Variants in RBFOX1 observed in about 807,000 individuals in gnomAD.
RBFOX1 encodes RNA binding protein fox-1 homolog 1.
In RBFOX1, 8 loss-of-function variants were observed where a neutral mutation model predicts 57.7. The observed-to-expected ratio is 0.14, with a 90% CI of 0.08 to 0.25. RBFOX1 has a LOEUF of 0.25. Ranked by LOEUF, RBFOX1 falls within the 10% of genes least tolerant of loss-of-function variation. The pLI, the probability that RBFOX1 is intolerant of heterozygous loss-of-function variation, is 1.00. For synonymous variants in RBFOX1, 326 were observed against 222.4 expected (o/e 1.47, Z -4.15); for missense variants, 611 against 548.5 (o/e 1.11, Z -1.14).
At chr16:5,762,785 C>G (rs2151649324) in intron 3 of RBFOX1, among the ~76,000 whole-genome samples, 1 of 152,236 alleles carries the variant, frequency 6.6e-6, no homozygotes, top group Admixed American at 6.5e-5. Context: ...ATAATTCTGT[C>G]ATTTACATAG....
At position 7,089,031 on chromosome 16, in the gene RBFOX1, C is replaced by T. The variant is rs1326451884; in HGVS notation, c.27+36933C>T. On this transcript the variant is annotated intron_variant, in intron 4 of 15. Coordinates refer to ENST00000550418, the MANE Select transcript of RBFOX1 (RefSeq NM_018723.4). The stretch of plus-strand genomic sequence containing the variant: ...AATCACATTGGTTCTTTGACCTCTG[C>T]TGGTCTCTAGGTCTGCCTTGCCCCT... 9.9e-5 allele frequency among the ~76,000 whole-genome samples: 15 copies of T among 152,144 alleles called. No homozygotes were observed. The East Asian group carries it at 2.7e-3, about 27-fold the overall frequency.
At chr16:6,089,027 C>T (rs1173887643) in intron 1 of RBFOX1, among the ~76,000 whole-genome samples, 6 of 147,722 alleles carry the variant, frequency 4.1e-5, no homozygotes, top group Admixed American at 2.0e-4. Context: ...ACCCAGGAGG[C>T]GGAGGTTGCA....
chr16:7,099,075 C>T (rs923236665), intron 4 of RBFOX1, among the ~76,000 whole-genome samples: 1 of 152,122 alleles, frequency 6.6e-6, no homozygotes, highest in Non-Finnish European at 1.5e-5. Context: ...CTTTCTCAAA[C>T]AGTTATGGTG....
At chr16:5,609,866 A>G (rs1223111004) in intron 3 of RBFOX1, among the ~76,000 whole-genome samples, 2 of 146,828 alleles carry the variant, frequency 1.4e-5, no homozygotes, top group African/African-American at 5.0e-5. Flanking sequence ...AGGACTGTGC[A>G]GAGACGGTGG....
At chr16:6,209,208 A>G (rs1165580755) in intron 1 of RBFOX1, among the ~76,000 whole-genome samples, 1 of 152,198 alleles carries the variant, frequency 6.6e-6, no homozygotes, top group East Asian at 1.9e-4. Flanking sequence ...AAGCTGCTGG[A>G]GAATGTGAAG....
intron 3 of RBFOX1, among the ~76,000 whole-genome samples, chr16:6,901,290 C>A (rs1460517255): frequency 6.6e-6 from 1 of 152,192 alleles, no homozygotes. Context: ...AAGCCCATCC[C>A]TCTCCGTGGG....
intron 1 of RBFOX1, among the ~76,000 whole-genome samples, chr16:5,372,391 A>G (rs1302028224): frequency 6.6e-6 from 1 of 152,234 alleles, no homozygotes; most frequent in Non-Finnish European, 1.5e-5. Flanking sequence ...GTGTGTGGAT[A>G]GAACAGAGAA....
chr16:6,379,404 GC>G (rs1455112220), intron 2 of RBFOX1, among the ~76,000 whole-genome samples: 1 of 151,948 alleles, frequency 6.6e-6, no homozygotes, highest in African/African-American at 2.4e-5. Context: ...ATTTCTAATG[GC>G]CCCCGCCCCC....
chr16:7,426,503 T>G (rs1250524062), intron 4 of RBFOX1, among the ~76,000 whole-genome samples: 1 of 152,204 alleles, frequency 6.6e-6, no homozygotes, highest in Non-Finnish European at 1.5e-5. Context: ...AGCATGGTGA[T>G]CTGACTCTCC....
intron 4 of RBFOX1, among the ~76,000 whole-genome samples, chr16:7,349,191 G>A (rs1005574260): frequency 3.3e-5 from 5 of 152,054 alleles, no homozygotes; most frequent in African/African-American, 1.2e-4. Flanking sequence ...CTAAAACTTG[G>A]GTTAAAAATC....
At chr16:7,633,615 C>T (rs529950991) in intron 11 of RBFOX1, among the ~76,000 whole-genome samples, 122 of 152,276 alleles carry the variant, frequency 8.0e-4, no homozygotes, top group Non-Finnish European at 1.4e-3. Flanking sequence ...AAACTAGTTT[C>T]TTACATTAAG....
intron 2 of RBFOX1, among the ~76,000 whole-genome samples, chr16:6,489,250 G>T (rs1451019738): frequency 6.6e-6 from 1 of 152,056 alleles, no homozygotes; most frequent in Non-Finnish European, 1.5e-5. Context: ...CTTCCCATAT[G>T]GTCCTTCTTT....
intron 3 of RBFOX1, among the ~76,000 whole-genome samples, chr16:6,746,582 C>A (rs2073710658): frequency 6.6e-6 from 1 of 151,778 alleles, no homozygotes; most frequent in Non-Finnish European, 1.5e-5. Context: ...GGAGGCTGAA[C>A]TGGGGGGATC....
At chr16:7,202,802 GC>G (rs1433496388) in intron 4 of RBFOX1, among the ~76,000 whole-genome samples, 3 of 152,238 alleles carry the variant, frequency 2.0e-5, no homozygotes, top group East Asian at 3.9e-4. Context: ...CCCTGCAACA[GC>G]CCCCCACCCT....
chr16:7,351,551 T>C (rs1244439906), intron 4 of RBFOX1, among the ~76,000 whole-genome samples: 1 of 152,200 alleles, frequency 6.6e-6, no homozygotes, highest in African/African-American at 2.4e-5. Context: ...GAAAATAATG[T>C]AAGAGGGAAG....
At chr16:5,375,968 A>G (rs1239432998) in intron 1 of RBFOX1, among the ~76,000 whole-genome samples, 2 of 152,030 alleles carry the variant, frequency 1.3e-5, no homozygotes, top group Admixed American at 6.6e-5. Context: ...GGAGTCTGAG[A>G]CCAGCCTGGC....
At chr16:6,461,697 TA>T (rs200848291) in intron 2 of RBFOX1, among the ~76,000 whole-genome samples, 21 of 152,264 alleles carry the variant, frequency 1.4e-4, no homozygotes, top group South Asian at 4.2e-4. Context: ...AATGGAAGAT[TA>T]TTTTTTTTCT....
At chr16:7,699,169 G>C (rs915251778) in intron 14 of RBFOX1, among the ~76,000 whole-genome samples, 1 of 152,126 alleles carries the variant, frequency 6.6e-6, no homozygotes, top group Admixed American at 6.5e-5. Flanking sequence ...CACACCTTGG[G>C]ACACACTAAC....
At chr16:5,834,228 T>C (rs1461289306) in intron 3 of RBFOX1, among the ~76,000 whole-genome samples, 1 of 152,194 alleles carries the variant, frequency 6.6e-6, no homozygotes, top group East Asian at 1.9e-4. Context: ...ATCTGAATAG[T>C]GTATATTGTA....
Sources: gnomAD v4.1 joint callset for allele counts (sites outside exome capture counted in the v4.1 genomes callset) on GRCh38, gnomAD v4.1.1 for gene constraint, MANE v1.5 for transcripts, NCBI Gene and HGNC (gene_info 2026-07-23, HGNC 2026-07-21) for gene names.